Variants in WASF1 observed in about 807,000 individuals in gnomAD.
WASF1 encodes WASP family member 1, also known as actin-binding protein WASF1.
Under a neutral mutation model 50.5 loss-of-function variants are expected in WASF1, and 7 were observed. That is an observed-to-expected ratio of 0.14 (90% confidence interval 0.08 to 0.26). The LOEUF (loss-of-function observed/expected upper bound fraction) is 0.26. Among genes scored for constraint, WASF1 ranks in the 10% least tolerant of loss-of-function variants. The pLI, the probability that WASF1 is intolerant of heterozygous loss-of-function variation, is 1.00. For missense variants in WASF1, 470 were observed against 694.7 expected (o/e 0.68, Z 3.64); for synonymous variants, 205 against 244.0 (o/e 0.84, Z 1.49).
intron 3 of WASF1, among the ~76,000 whole-genome samples, chr6:110,135,200 T>C (rs1210442633): frequency 2.6e-5 from 4 of 152,234 alleles, no homozygotes; most frequent in Non-Finnish European, 5.9e-5. Flanking sequence ...GCAGTGCTAC[T>C]TATTTGTGTA....
intron 3 of WASF1, among the ~76,000 whole-genome samples, chr6:110,143,962 C>A (rs1262338230): frequency 3.9e-5 from 6 of 152,150 alleles, no homozygotes; most frequent in African/African-American, 1.4e-4. Context: ...ATTTATAGTC[C>A]TTTGGGTATA....
chr6:110,110,770 G>A (rs1051002234), intron 5 of WASF1, among the ~76,000 whole-genome samples: 9 of 150,720 alleles, frequency 6.0e-5, no homozygotes, highest in East Asian at 1.9e-4. Flanking sequence ...ACTACAAAAC[G>A]GTTAAAAAAA....
chr6:110,139,119 G>GCA (rs1371820107), intron 3 of WASF1, among the ~76,000 whole-genome samples: 2 of 152,200 alleles, frequency 1.3e-5, no homozygotes, highest in Non-Finnish European at 2.9e-5. Flanking sequence ...ACTGCCTTGA[G>GCA]CACACACACA....
At chr6:110,104,219 C>G (rs1299158061) in intron 8 of WASF1, among the ~76,000 whole-genome samples, 1 of 152,050 alleles carries the variant, frequency 6.6e-6, no homozygotes, top group Non-Finnish European at 1.5e-5. Flanking sequence ...CTAGTACATT[C>G]TTGGGAAAAA....
At chr6:110,166,452 G>C (rs1776481810) in intron 2 of WASF1, among the ~76,000 whole-genome samples, 1 of 151,792 alleles carries the variant, frequency 6.6e-6, no homozygotes. Context: ...AGAGAGCAAG[G>C]CTCAAAAAAT....
At chr6:110,153,293 A>G (rs1326560043) in intron 3 of WASF1, among the ~76,000 whole-genome samples, 2 of 152,190 alleles carry the variant, frequency 1.3e-5, no homozygotes, top group East Asian at 3.9e-4. Flanking sequence ...GAAGATAGGG[A>G]GCCAGGAAAT....
intron 2 of WASF1, among the ~76,000 whole-genome samples, chr6:110,165,172 C>T (rs905705749): frequency 2.0e-5 from 3 of 151,324 alleles, no homozygotes; most frequent in Admixed American, 2.0e-4. Context: ...CAAGAGTGAC[C>T]CTGGTATAAA....
At chr6:110,128,112 G>A (rs1385403718) in intron 3 of WASF1, among the ~76,000 whole-genome samples, 1 of 151,458 alleles carries the variant, frequency 6.6e-6, no homozygotes, top group Non-Finnish European at 1.5e-5. Context: ...CTAATCTCTG[G>A]GTTGTTCAAG....
intron 4 of WASF1, among the ~76,000 whole-genome samples, chr6:110,123,988 A>C (rs1379800137): frequency 6.6e-6 from 1 of 152,044 alleles, no homozygotes; most frequent in African/African-American, 2.4e-5. Context: ...TTAGGCAGAC[A>C]GTAAGGGAAG....
intron 7 of WASF1, 125 bp downstream of exon 7, chr6:110,106,952 C>T: frequency 1.5e-6 from 1 of 681,266 alleles, no homozygotes; most frequent in Non-Finnish European, 2.5e-6. Flanking sequence ...ATAAAGACTT[C>T]AGTATTTAAC....
chr6:110,102,301 T>A (rs1773128297), intron 9 of WASF1, 85 bp from the exon 10 acceptor site: 1 of 1,276,324 alleles, frequency 7.8e-7, no homozygotes, highest in Non-Finnish European at 1.0e-6. Context: ...TAAATGACTA[T>A]CAGTAATTAT....
intron 3 of WASF1, among the ~76,000 whole-genome samples, chr6:110,137,910 T>C (rs1388485556): frequency 6.6e-6 from 1 of 152,246 alleles, no homozygotes; most frequent in Non-Finnish European, 1.5e-5. Context: ...TATGTAAGTA[T>C]CACAGGGTCC....
rs1378926443 is a variant in WASF1 at position 110,178,594 on chromosome 6, G to C, written c.-127+4C>G. On this transcript the variant is annotated splice_donor_region_variant and intron_variant, in intron 2 of 10. Coordinates refer to ENST00000392589, the MANE Select transcript of WASF1 (RefSeq NM_003931.3). ...AATGATTAGAGTAAGTCGTATTTAA[G>C]TACCTAGTCTAGCTGGGGATCAATT... The C allele has an allele frequency of 6.6e-6, 1 of 152,374 alleles. No individual in the cohort carries two copies. Among genetic ancestry groups the C allele is most frequent in the African/African-American group, 2.4e-5 (1 of 41,418 alleles). 9.4% of individuals were successfully genotyped at this position (152,374 alleles called of 1,614,324 possible). A position where few individuals can be genotyped will look rare whatever the true frequency, so the allele number is the denominator to read the frequency against.
chr6:110,136,122 G>C (rs1774956137), intron 3 of WASF1, among the ~76,000 whole-genome samples: 2 of 151,636 alleles, frequency 1.3e-5, no homozygotes, highest in South Asian at 4.2e-4. Flanking sequence ...CTGACCTCGT[G>C]ATCTGCCCGC....
intron 3 of WASF1, among the ~76,000 whole-genome samples, chr6:110,144,981 T>C (rs971123803): frequency 1.4e-4 from 22 of 152,290 alleles, no homozygotes; most frequent in African/African-American, 5.1e-4. Context: ...AGTAGTTTTT[T>C]CCAATTCTGT....
rs5879060 is a variant in WASF1 at position 110,142,952 on chromosome 6, T to TAAAAAAAAAAAAAA, written c.-28-15337_-28-15324dup. Reference sequence around the variant, plus strand: ...AAAGTAATTTGGTTTCCCAATGATGTAAAAAAAAAAAAAAAAAAAAACTAA... The same window carrying TAAAAAAAAAAAAAA: ...AAAGTAATTTGGTTTCCCAATGATGTAAAAAAAAAAAAAAAAAAAAAAAAAAAAAAAAAAACTAA... On this transcript the variant is annotated intron_variant, in intron 3 of 10. Transcript: ENST00000392589. 1.5e-3 allele frequency among the ~76,000 whole-genome samples: 173 copies of TAAAAAAAAAAAAAA among 119,066 alleles called. 8 individuals carry two copies. The highest frequency in any genetic ancestry group is 5.4e-3 in the African/African-American group (160 of 29,874). 78.1% of individuals were successfully genotyped at this position (119,066 alleles called of 152,430 possible).
At chr6:110,145,924 T>C (rs1003624856) in intron 3 of WASF1, among the ~76,000 whole-genome samples, 2 of 139,916 alleles carry the variant, frequency 1.4e-5, no homozygotes, top group African/African-American at 2.7e-5. Flanking sequence ...TAGGTGGGAA[T>C]TGAACAATGA....
intron 4 of WASF1, among the ~76,000 whole-genome samples, chr6:110,121,936 G>A (rs959043944): frequency 2.6e-5 from 4 of 151,514 alleles, no homozygotes; most frequent in Non-Finnish European, 4.4e-5. Flanking sequence ...TCACAAGGTT[G>A]GAAAACCAAA....
At chr6:110,149,201 T>A (rs959448898) in intron 3 of WASF1, among the ~76,000 whole-genome samples, 1 of 152,174 alleles carries the variant, frequency 6.6e-6, no homozygotes, top group Non-Finnish European at 1.5e-5. Flanking sequence ...CTTTCCTTTT[T>A]TTCCCCCTTT....
Sources: allele counts gnomAD v4.1 joint callset (sites outside exome capture counted in the v4.1 genomes callset), GRCh38; gene constraint gnomAD v4.1.1; transcripts MANE v1.5; gene names NCBI Gene and HGNC (gene_info 2026-07-23, HGNC 2026-07-21).